The following VWA8 variants were observed in gnomAD, a reference collection of about 807,000 sequenced individuals.
VWA8 encodes the protein von Willebrand factor A domain containing 8.
A neutral mutation model predicts 241.5 loss-of-function variants in VWA8; 221 were observed. The observed-to-expected ratio is 0.91, with a 90% CI of 0.82 to 1.02. The LOEUF (loss-of-function observed/expected upper bound fraction) is 1.02. Among genes scored for constraint, VWA8 ranks in the 50% least tolerant of loss-of-function variants. The probability of loss-of-function intolerance (pLI) is 0.00; values close to 1 mark genes in which losing one functional copy is unlikely to be tolerated. For synonymous variants in VWA8, 852 were observed against 827.1 expected (o/e 1.03, Z -0.52); for missense variants, 2,322 against 2,328.7 (o/e 1.00, Z 0.06).
In VWA8 at chr13:41,896,594, G is replaced by C. The variant is rs111845962; in HGVS notation, c.484-5007C>G. Among the ~76,000 whole-genome samples the C allele has an allele frequency of 1.3e-3, 195 of 152,110 alleles. 1 individual carries two copies. Among genetic ancestry groups the C allele is most frequent in the African/African-American group, 4.4e-3 (184 of 41,528 alleles). The stretch of plus-strand genomic sequence containing the variant: ...CACATAAATATCTTTAGTATAAATT[G>C]AATTTTTATAGATTATTAAGAAAAT... On this transcript the variant is annotated intron_variant, in intron 4 of 44. Coordinates refer to ENST00000379310, the MANE Select transcript of VWA8 (RefSeq NM_015058.2).
intron 2 of VWA8, among the ~76,000 whole-genome samples, chr13:41,945,300 C>G (rs1475717805): frequency 6.6e-6 from 1 of 150,460 alleles, no homozygotes; most frequent in Non-Finnish European, 1.5e-5. Context: ...AACAGCAACA[C>G]AAGGAGCAAC....
chr13:41,844,174 G>A (rs1872183275), intron 12 of VWA8, among the ~76,000 whole-genome samples: 1 of 152,154 alleles, frequency 6.6e-6, no homozygotes, highest in Non-Finnish European at 1.5e-5. Flanking sequence ...ACACAGAGTT[G>A]ATTCAACATA....
intron 2 of VWA8, among the ~76,000 whole-genome samples, chr13:41,935,759 C>A (rs559238639): frequency 6.6e-6 from 1 of 150,650 alleles, no homozygotes; most frequent in Non-Finnish European, 1.5e-5. Flanking sequence ...TCAAATTGTT[C>A]GAGGTTTTTT....
At chr13:41,828,280 T>C (rs945389473) in intron 14 of VWA8, among the ~76,000 whole-genome samples, 3 of 152,136 alleles carry the variant, frequency 2.0e-5, no homozygotes, top group Non-Finnish European at 4.4e-5. Flanking sequence ...TAAATACACT[T>C]AATTATCTTT....
At chr13:41,596,786 A>AGT (rs1252782534) in intron 40 of VWA8, among the ~76,000 whole-genome samples, 1 of 125,556 alleles carries the variant, frequency 8.0e-6, no homozygotes, top group Admixed American at 8.5e-5. Context: ...TTAACCAGAA[A>AGT]GTACACACAC....
At position 41,665,545 on chromosome 13, in the gene VWA8, TTAATG is replaced by T. The variant is rs573335666; in HGVS notation, c.4611+5396_4611+5400del. On this transcript the variant is annotated intron_variant, in intron 37 of 44. Coordinates refer to ENST00000379310, the MANE Select transcript of VWA8 (RefSeq NM_015058.2). Reference sequence around the variant, plus strand: ...TATACATTTACATTTAAGTAAGTACTTAATGTAAGTAATTAAGTACATTAAGTAAG... The same window carrying T: ...TATACATTTACATTTAAGTAAGTACTTAAGTAATTAAGTACATTAAGTAAG... Among the ~76,000 whole-genome samples the T allele has an allele frequency of 2.8e-4, 43 of 151,768 alleles. 1 individual carries two copies. The South Asian group carries it at 9.0e-3, about 32-fold the overall frequency.
chr13:41,797,792 AT>A lies in VWA8; in HGVS notation c.2064-10250del, dbSNP rs1234404518. ...ACACCTTCACCTCTGATCTTTCTAT[AT>A]TATCTTTTAAATGTGACTCTTGTAG... is the stretch of plus-strand genomic sequence containing the variant. On this transcript the variant is annotated intron_variant, in intron 17 of 44. Coordinates refer to ENST00000379310, the MANE Select transcript of VWA8 (RefSeq NM_015058.2). Among the ~76,000 whole-genome samples, 43 of 152,094 alleles carry A rather than the reference AT, an allele frequency of 2.8e-4. 1 individual carries two copies. The highest frequency in any genetic ancestry group is 1.0e-3 in the African/African-American group (43 of 41,512).
chr13:41,715,116 T>TTA lies in VWA8; in HGVS notation c.3116+4473_3116+4474dup, dbSNP rs1160317349. ...TCCTCATCTACAAGATGCAATAATA[T>TTA]TATATATATGCCATAGGTCCGTTGG... On this transcript the variant is annotated intron_variant, in intron 26 of 44. Coordinates refer to ENST00000379310, the MANE Select transcript of VWA8 (RefSeq NM_015058.2). Among the ~76,000 whole-genome samples the TTA allele has an allele frequency of 5.3e-5, 8 of 152,006 alleles. No individual in the cohort carries two copies. In the South Asian group the frequency reaches 6.2e-4, roughly 12 times the overall value.
intron 1 of VWA8, among the ~76,000 whole-genome samples, chr13:41,954,990 G>A (rs924675560): frequency 6.6e-6 from 1 of 151,958 alleles, no homozygotes; most frequent in Admixed American, 6.6e-5. Context: ...TTGGTGCAAG[G>A]CCTAAGTTTT....
intron 44 of VWA8, 98 bp downstream of exon 44, chr13:41,570,370 C>T (rs1019063185): frequency 3.7e-6 from 4 of 1,086,486 alleles, no homozygotes; most frequent in Admixed American, 4.4e-5. Context: ...CTCCATCTGC[C>T]TCACTGTCCC....
At position 41,755,848 on chromosome 13, in the gene VWA8, T is replaced by C. The variant is rs942081429; in HGVS notation, c.2426+5280A>G. Among the ~76,000 whole-genome samples the C allele has an allele frequency of 6.6e-5, 10 of 151,948 alleles. No individual in the cohort carries two copies. In the East Asian group the frequency reaches 1.2e-3, roughly 18 times the overall value. On this transcript the variant is annotated intron_variant, in intron 21 of 44. Transcript: ENST00000379310. ...AGACCCAAAGAAAGACTCAAAAATA[T>C]ATAGCTTCAAATGAGCATACTATAA...
intron 21 of VWA8, among the ~76,000 whole-genome samples, chr13:41,751,546 G>A (rs2045656267): frequency 6.6e-6 from 1 of 151,980 alleles, no homozygotes; most frequent in Non-Finnish European, 1.5e-5. Flanking sequence ...GTGCTCTCTG[G>A]GACTCTGTGA....
intron 39 of VWA8, among the ~76,000 whole-genome samples, chr13:41,607,643 G>C (rs2044561513): frequency 6.6e-6 from 1 of 152,112 alleles, no homozygotes; most frequent in Admixed American, 6.6e-5. Context: ...TCTGTGGGGT[G>C]GGGAGGGGAT....
chr13:41,871,890 C>T (rs4603446), intron 9 of VWA8, among the ~76,000 whole-genome samples: 130,327 of 152,144 alleles, frequency 0.86, 56,024 homozygotes, highest in East Asian at 1. Flanking sequence ...CACTGACTTC[C>T]ACAATGGTTG....
intron 44 of VWA8, 199 bp from the exon 45 acceptor site, chr13:41,568,504 CAAAAG>C (rs566034435): frequency 6.4e-5 from 30 of 467,152 alleles, no homozygotes; most frequent in African/African-American, 4.6e-4. Flanking sequence ...AAAGACACAG[CAAAAG>C]CAGGGAACTG....
At position 41,784,899 on chromosome 13, in the gene VWA8, AATT is replaced by A. The variant is rs1869116362; in HGVS notation, c.2171-1001_2171-999del. On this transcript the variant is annotated intron_variant, in intron 18 of 44. Transcript: ENST00000379310. ...GCCAGATTGGGAAACTGTCTTATGC[AATT>A]ATTTTGTAATAATAATTATTATATT... 2.0e-5 allele frequency among the ~76,000 whole-genome samples: 3 copies of A among 151,060 alleles called. No individual in the cohort carries two copies. The South Asian group carries it at 6.3e-4, about 32-fold the overall frequency.
In VWA8 at chr13:41,950,910, C is replaced by T. The variant is rs189229021; in HGVS notation, c.164-897G>A. 4.5e-3 allele frequency among the ~76,000 whole-genome samples: 682 copies of T among 151,280 alleles called. 5 individuals carry two copies. Among genetic ancestry groups the T allele is most frequent in the African/African-American group, 0.015 (633 of 41,304 alleles). On this transcript the variant is annotated intron_variant, in intron 1 of 44. Transcript: ENST00000379310. ...TCTTGAACTCCTGACCTCAAGTGAT[C>T]CGCCCACCTCGGCCTCCCAAAGTGC...
intron 12 of VWA8, among the ~76,000 whole-genome samples, chr13:41,856,217 T>C (rs564584456): frequency 2.0e-5 from 3 of 152,026 alleles, no homozygotes; most frequent in Non-Finnish European, 4.4e-5. Flanking sequence ...ACATCTGTAA[T>C]CCCAGCTACT....
chr13:41,644,481 C>T (rs571303042), intron 37 of VWA8, among the ~76,000 whole-genome samples: 5 of 152,242 alleles, frequency 3.3e-5, no homozygotes, highest in Non-Finnish European at 7.3e-5. Context: ...GTGGGGTCTG[C>T]ACGTTTTCCC....
Sources: allele counts gnomAD v4.1 joint callset (sites outside exome capture counted in the v4.1 genomes callset), GRCh38; gene constraint gnomAD v4.1.1; transcripts MANE v1.5; gene names NCBI Gene and HGNC (gene_info 2026-07-23, HGNC 2026-07-21).